LUZP2: variants seen among roughly 807,000 people sequenced by gnomAD.
The protein encoded by LUZP2 is leucine zipper protein 2.
Under a neutral mutation model 51.6 loss-of-function variants are expected in LUZP2, and 52 were observed. That is an observed-to-expected ratio of 1.01 (90% CI 0.81 to 1.27). The LOEUF (loss-of-function observed/expected upper bound fraction) is 1.27. Among genes scored for constraint, LUZP2 ranks in the 50% most tolerant of loss-of-function variants. The pLI is 0.00. For synonymous variants in LUZP2, 154 were observed against 137.3 expected (o/e 1.12, Z -0.85); for missense variants, 436 against 395.4 (o/e 1.10, Z -0.87).
intron 5 of LUZP2, among the ~76,000 whole-genome samples, chr11:24,814,154 C>A (rs900015334): frequency 4.6e-5 from 7 of 152,212 alleles, no homozygotes; most frequent in Non-Finnish European, 8.8e-5. Flanking sequence ...CTCTTCTTAT[C>A]TTCAGGCGAA....
intron 7 of LUZP2, among the ~76,000 whole-genome samples, chr11:24,939,495 G>C (rs1854684117): frequency 6.6e-6 from 1 of 151,792 alleles, no homozygotes; most frequent in Non-Finnish European, 1.5e-5. Context: ...ACTTGTATTA[G>C]ACCTTGAAGG....
chr11:24,972,317 A>G (rs967683295), intron 7 of LUZP2, among the ~76,000 whole-genome samples: 1 of 152,044 alleles, frequency 6.6e-6, no homozygotes, highest in Admixed American at 6.6e-5. Flanking sequence ...TACTTATCAT[A>G]TAGTCATATA....
intron 5 of LUZP2, among the ~76,000 whole-genome samples, chr11:24,838,079 TG>T (rs1392464176): frequency 7.4e-6 from 1 of 135,996 alleles, no homozygotes; most frequent in African/African-American, 2.7e-5. Context: ...TCATTTAATA[TG>T]TGGTCCAACT....
chr11:24,603,701 A>T (rs1461740250), intron 1 of LUZP2, among the ~76,000 whole-genome samples: 1 of 151,796 alleles, frequency 6.6e-6, no homozygotes, highest in Admixed American at 6.6e-5. Context: ...TGAAGGTGTG[A>T]TCTAATTTAC....
rs139848708 is a variant in LUZP2 at position 24,567,962 on chromosome 11, A to T, written c.62+70657A>T. Among the ~76,000 whole-genome samples, 11 of 152,260 alleles carry T rather than the reference A, an allele frequency of 7.2e-5. No homozygotes were observed. In the East Asian group the frequency reaches 2.1e-3, roughly 29 times the overall value. On this transcript the variant is annotated intron_variant, in intron 1 of 11. Transcript: ENST00000336930. ...TTTACATATTTTCTTCTTTCTTCTC[A>T]CCAACTTAATAAAATTGCATAAAAT... is the stretch of plus-strand genomic sequence containing the variant.
intron 5 of LUZP2, among the ~76,000 whole-genome samples, chr11:24,880,328 G>A (rs930242468): frequency 4.0e-5 from 6 of 149,430 alleles, no homozygotes; most frequent in African/African-American, 9.8e-5. Flanking sequence ...GGGCATGGGA[G>A]AGGGGTGGCA....
intron 5 of LUZP2, among the ~76,000 whole-genome samples, chr11:24,905,569 C>A (rs768950575): frequency 6.6e-6 from 1 of 152,042 alleles, no homozygotes; most frequent in Non-Finnish European, 1.5e-5. Flanking sequence ...AGTTAAACTG[C>A]GCTCTAGACC....
chr11:24,989,716 G>T (rs1269304408), intron 9 of LUZP2, among the ~76,000 whole-genome samples: 6 of 152,066 alleles, frequency 3.9e-5, no homozygotes, highest in Non-Finnish European at 8.8e-5. Flanking sequence ...CAAATTTCTA[G>T]ATGTCCAGCA....
At chr11:25,072,351 G>T (rs1195364695) in intron 10 of LUZP2, among the ~76,000 whole-genome samples, 3 of 151,978 alleles carry the variant, frequency 2.0e-5, no homozygotes, top group Non-Finnish European at 2.9e-5. Context: ...TCTATTTTCA[G>T]TCAGTGCCTG....
At position 24,497,358 on chromosome 11, in the gene LUZP2, T is replaced by C; in HGVS notation, c.62+53T>C. ...GGCCAGGGGCGCTGCCGGGGCGAGG[T>C]TGGTCCTACTGTGGGTCACCAGTGG... On this transcript the variant is annotated intron_variant, in intron 1 of 11. Transcript: ENST00000336930. The C allele has an allele frequency of 4.3e-6, 6 of 1,394,818 alleles. No individual in the cohort carries two copies. In the South Asian group the frequency reaches 6.1e-5, roughly 14 times the overall value. 86.4% of individuals were successfully genotyped at this position (1,394,818 alleles called of 1,614,324 possible).
chr11:24,726,345 T>C (rs956088324), intron 1 of LUZP2, among the ~76,000 whole-genome samples: 18 of 151,872 alleles, frequency 1.2e-4, no homozygotes, highest in African/African-American at 2.4e-4. Flanking sequence ...CACCAGAAGA[T>C]ACTAAGAAAA....
intron 1 of LUZP2, among the ~76,000 whole-genome samples, chr11:24,538,168 C>T (rs1851241232): frequency 6.6e-6 from 1 of 151,700 alleles, no homozygotes; most frequent in Admixed American, 6.6e-5. Flanking sequence ...GTTATTCAAT[C>T]TGTGTTGCCC....
intron 9 of LUZP2, among the ~76,000 whole-genome samples, chr11:24,996,045 C>CTCTT (rs1180208043): frequency 1.3e-5 from 2 of 149,856 alleles, no homozygotes; most frequent in Non-Finnish European, 1.5e-5. Context: ...ATTTTATTTT[C>CTCTT]TCTTTGTTAT....
At chr11:24,631,254 G>T (rs1430185894) in intron 1 of LUZP2, among the ~76,000 whole-genome samples, 1 of 151,710 alleles carries the variant, frequency 6.6e-6, no homozygotes, top group African/African-American at 2.4e-5. Flanking sequence ...AGTGGGCATT[G>T]TTGTCTTGTT....
chr11:24,793,806 C>T (rs1216205173), intron 5 of LUZP2, among the ~76,000 whole-genome samples: 1 of 152,146 alleles, frequency 6.6e-6, no homozygotes, highest in Non-Finnish European at 1.5e-5. Flanking sequence ...TAGGCAACAG[C>T]AGCTGCTTTA....
At chr11:25,036,860 C>A (rs1474542541) in intron 9 of LUZP2, among the ~76,000 whole-genome samples, 1 of 151,940 alleles carries the variant, frequency 6.6e-6, no homozygotes, top group Non-Finnish European at 1.5e-5. Context: ...AATTTCGAGG[C>A]TTGCTTTATT....
chr11:25,044,253 G>GTA (rs1446874239), intron 9 of LUZP2, among the ~76,000 whole-genome samples: 2,718 of 31,358 alleles, frequency 0.087, 54 homozygotes, highest in Non-Finnish European at 0.13. Flanking sequence ...GTGTGTGTGT[G>GTA]TGTGTATATA....
At chr11:24,818,525 G>A (rs547062067) in intron 5 of LUZP2, among the ~76,000 whole-genome samples, 1 of 152,080 alleles carries the variant, frequency 6.6e-6, no homozygotes, top group African/African-American at 2.4e-5. Flanking sequence ...TTGAAAGCAT[G>A]CGTATCAATC....
At chr11:24,813,731 C>G (rs562568282) in intron 5 of LUZP2, among the ~76,000 whole-genome samples, 1 of 152,188 alleles carries the variant, frequency 6.6e-6, no homozygotes, top group Non-Finnish European at 1.5e-5. Flanking sequence ...TATATCAGAG[C>G]CTTTGCTCCA....
Sources: gnomAD v4.1 joint callset for allele counts (sites outside exome capture counted in the v4.1 genomes callset) on GRCh38, gnomAD v4.1.1 for gene constraint, MANE v1.5 for transcripts, NCBI Gene and HGNC (gene_info 2026-07-23, HGNC 2026-07-21) for gene names.